Variants in PCDH11X observed in about 807,000 individuals in gnomAD.
PCDH11X encodes protocadherin-11 X-linked.
Under a neutral mutation model 53.3 loss-of-function variants are expected in PCDH11X, and 18 were observed. The ratio of observed to expected loss-of-function variants is 0.34; its 90% CI spans 0.23 to 0.50. PCDH11X has a LOEUF of 0.50. Ranked by LOEUF, PCDH11X falls within the 20% of genes least tolerant of loss-of-function variation. The probability of loss-of-function intolerance (pLI) is 0.98; values close to 1 mark genes in which losing one functional copy is unlikely to be tolerated. For synonymous variants in PCDH11X, 279 were observed against 393.3 expected, an observed-to-expected ratio of 0.71 and a Z score of 3.44; for missense variants, 570 against 1,032.4, an observed-to-expected ratio of 0.55 and a Z score of 6.14.
At chrX:92,249,431 T>G (rs2067416137) in intron 7 of PCDH11X, among the ~76,000 whole-genome samples, 1 of 112,311 alleles carries the variant, frequency 8.9e-6, no homozygotes, top group African/African-American at 3.2e-5. Flanking sequence ...AATAAAGGTA[T>G]CTTTATGCAA....
intron 6 of PCDH11X, among the ~76,000 whole-genome samples, chrX:91,942,103 A>G (rs968930524): frequency 3.6e-5 from 4 of 110,118 alleles, no homozygotes; most frequent in African/African-American, 9.8e-5. Context: ...TTTATTAGAA[A>G]AGAAAAAAAA....
chrX:92,511,428 TGA>T lies in PCDH11X; in HGVS notation c.3367+43108_3367+43109del, dbSNP rs199702422. On this transcript the variant is annotated intron_variant, in intron 10 of 10. Transcript: ENST00000682573. Reference sequence around the variant, plus strand: ...AAAGAGCAGTTTTGGAGAGTCAGTCTGAGTTTGATTATTGTATTATTTAGTTG... The same window carrying T: ...AAAGAGCAGTTTTGGAGAGTCAGTCTGTTTGATTATTGTATTATTTAGTTG... Among the ~76,000 whole-genome samples the T allele has an allele frequency of 6.8e-3, 759 of 111,889 alleles. 7 individuals are homozygous for T. Among genetic ancestry groups the T allele is most frequent in the African/African-American group, 0.023 (723 of 30,852 alleles).
At chrX:92,035,442 G>A (rs2063114154) in intron 6 of PCDH11X, among the ~76,000 whole-genome samples, 1 of 106,925 alleles carries the variant, frequency 9.4e-6, no homozygotes, top group African/African-American at 3.4e-5. Flanking sequence ...TTTTCCTTCA[G>A]CACTTTAAAT....
intron 6 of PCDH11X, among the ~76,000 whole-genome samples, chrX:92,087,985 A>G (rs1302316779): frequency 1.9e-5 from 2 of 106,143 alleles, no homozygotes; most frequent in African/African-American, 6.8e-5. Context: ...TATATAAGAA[A>G]TATATATAAG....
chrX:92,124,318 G>T (rs6618867), intron 6 of PCDH11X, among the ~76,000 whole-genome samples: 1 of 109,989 alleles, frequency 9.1e-6, no homozygotes, highest in Admixed American at 9.8e-5. Flanking sequence ...AGGCTGAGGC[G>T]GGCGGATCAC....
At chrX:92,516,234 T>C (rs960570245) in intron 10 of PCDH11X, among the ~76,000 whole-genome samples, 1 of 110,703 alleles carries the variant, frequency 9.0e-6, no homozygotes, top group Non-Finnish European at 1.9e-5. Context: ...CATAGGAGGT[T>C]GAAAAGCATG....
intron 9 of PCDH11X, among the ~76,000 whole-genome samples, chrX:92,416,697 T>G (rs2071820421): frequency 9.0e-6 from 1 of 111,143 alleles, no homozygotes; most frequent in African/African-American, 3.3e-5. Flanking sequence ...TCTATGCTTT[T>G]ATCAAAGTAT....
chrX:92,111,312 T>C (rs1158083218), intron 6 of PCDH11X, among the ~76,000 whole-genome samples: 2 of 106,903 alleles, frequency 1.9e-5, no homozygotes, highest in Non-Finnish European at 1.9e-5. Flanking sequence ...TTATCAGTAG[T>C]TTTTTACAAG....
At chrX:92,601,027 A>C (rs1602421763) in intron 10 of PCDH11X, among the ~76,000 whole-genome samples, 1 of 110,887 alleles carries the variant, frequency 9.0e-6, no homozygotes, top group South Asian at 3.8e-4. Context: ...TATTTACCCA[A>C]TGCCTGTACC....
chrX:91,787,994 T>G (rs183712061), intron 1 of PCDH11X, among the ~76,000 whole-genome samples: 1 of 111,696 alleles, frequency 9.0e-6, no homozygotes, highest in African/African-American at 3.3e-5. Context: ...AAACCCTTCA[T>G]TTTACAGATA....
chrX:92,614,767 A>C (rs1438161072), intron 10 of PCDH11X, among the ~76,000 whole-genome samples: 1 of 109,860 alleles, frequency 9.1e-6, no homozygotes, highest in Non-Finnish European at 1.9e-5. Context: ...GAGCTGGGAA[A>C]CCTCCTCAGC....
intron 10 of PCDH11X, among the ~76,000 whole-genome samples, chrX:92,569,217 A>G (rs1921897277): frequency 1.8e-5 from 2 of 109,741 alleles, no homozygotes; most frequent in Non-Finnish European, 3.8e-5. Flanking sequence ...CTTTGGCCTT[A>G]GAAATTTATT....
chrX:91,996,191 G>C (rs764205548), intron 6 of PCDH11X, among the ~76,000 whole-genome samples: 1 of 86,250 alleles, frequency 1.2e-5, no homozygotes, highest in Non-Finnish European at 2.2e-5. Flanking sequence ...TCCTCACCCA[G>C]GCTGGAGTGC....
chrX:92,484,961 A>G (rs2073611640), intron 10 of PCDH11X, among the ~76,000 whole-genome samples: 3 of 110,980 alleles, frequency 2.7e-5, no homozygotes, highest in Non-Finnish European at 5.7e-5. Flanking sequence ...ACTGATTTCT[A>G]TCAAAGACCA....
At chrX:91,805,769 T>A (rs1267363757) in intron 1 of PCDH11X, among the ~76,000 whole-genome samples, 6 of 108,730 alleles carry the variant, frequency 5.5e-5, no homozygotes, top group Non-Finnish European at 9.5e-5. Flanking sequence ...GAGGCTTCAG[T>A]GAGCCATGGT....
chrX:91,794,941 A>G (rs1935683405), intron 1 of PCDH11X, among the ~76,000 whole-genome samples: 1 of 108,837 alleles, frequency 9.2e-6, no homozygotes, highest in Admixed American at 1.0e-4. Flanking sequence ...TAAAAATGGG[A>G]GTTTCTCTGC....
At chrX:92,465,796 T>C (rs2073146337) in intron 9 of PCDH11X, among the ~76,000 whole-genome samples, 1 of 111,222 alleles carries the variant, frequency 9.0e-6, no homozygotes, top group South Asian at 3.7e-4. Flanking sequence ...AGAGGAGATT[T>C]TTTTTCTTTA....
chrX:92,239,596 A>G (rs1208910284), intron 7 of PCDH11X, among the ~76,000 whole-genome samples: 1 of 111,992 alleles, frequency 8.9e-6, no homozygotes, highest in Non-Finnish European at 1.9e-5. Context: ...TACTGACAAT[A>G]CATATTACTC....
At chrX:92,429,626 G>A (rs1288262112) in intron 9 of PCDH11X, among the ~76,000 whole-genome samples, 1 of 105,595 alleles carries the variant, frequency 9.5e-6, no homozygotes, top group Non-Finnish European at 1.9e-5. Context: ...CAAGGAGGGT[G>A]AGTGGGTGGG....
Sources: allele counts gnomAD v4.1 joint callset (sites outside exome capture counted in the v4.1 genomes callset), GRCh38; gene constraint gnomAD v4.1.1; transcripts MANE v1.5; gene names NCBI Gene and HGNC (gene_info 2026-07-23, HGNC 2026-07-21).